CFAP99: variants seen among roughly 807,000 people sequenced by gnomAD.
CFAP99 encodes the protein cilia- and flagella-associated protein 99.
In CFAP99, 84 loss-of-function variants were observed where a neutral mutation model predicts 82.7. The observed-to-expected ratio is 1.02, with a 90% CI of 0.85 to 1.22. CFAP99 has a LOEUF of 1.22. Among genes scored for constraint, CFAP99 ranks in the 50% most tolerant of loss-of-function variants. The pLI is 0.00. For missense variants in CFAP99, 1,059 were observed against 983.5 expected (o/e 1.08, Z -1.03); for synonymous variants, 456 against 429.5 (o/e 1.06, Z -0.76).
rs1343332249 is a variant in CFAP99 at position 2,462,803 on chromosome 4, C to T, written c.2022C>T (p.Gly674=). ...CTGCCCGCGCCGACGCGTTCCCCGG[C>T]CTGCAGGCGCAGCTAGAGGCGCAGC... Residue 674 remains glycine (G), a synonymous_variant, in exon 15 of 15, where the codon GGC becomes GGT. Transcript: ENST00000635017. The surrounding 1 kb of genome is among the most constrained non-coding windows in gnomAD (Gnocchi z 4.1). The T allele has an allele frequency of 2.3e-6, 3 of 1,308,760 alleles. No homozygotes were observed. Among genetic ancestry groups the T allele is most frequent in the East Asian group, 6.5e-5 (2 of 30,744 alleles). 81.1% of individuals were successfully genotyped at this position (1,308,760 alleles called of 1,614,324 possible). A position where few individuals can be genotyped will look rare whatever the true frequency, so the allele number is the denominator to read the frequency against.
Position 2,446,612 on chromosome 4 carries a change from C to T in CFAP99, c.642+1304C>T, listed in dbSNP as rs1734172050. 6.6e-6 allele frequency among the ~76,000 whole-genome samples: 1 copy of T among 152,130 alleles called. No individual in the cohort carries two copies. The highest frequency in any genetic ancestry group is 2.1e-4 in the South Asian group (1 of 4,830). On this transcript the variant is annotated intron_variant, in intron 6 of 14. Transcript: ENST00000635017. The surrounding 1 kb of genome is among the most constrained non-coding windows in gnomAD (Gnocchi z 5.0). ...TTTGTCATGTTGGCCGGGCTGGTCCCTAACTGACCTCAGGTGATCTGCCCA... is the reference window on the plus strand; with the variant it reads ...TTTGTCATGTTGGCCGGGCTGGTCCTTAACTGACCTCAGGTGATCTGCCCA...
intron 10 of CFAP99, 76 bp from the exon 11 acceptor site, chr4:2,452,066 A>C (rs1734314549): frequency 1.4e-6 from 2 of 1,466,902 alleles, no homozygotes; most frequent in African/African-American, 1.4e-5. Flanking sequence ...ACTGTCCCTC[A>C]GGAAAACCTG....
rs533380526 is a variant in CFAP99 at position 2,439,975 on chromosome 4, C to T, written c.351+1811C>T. Among the ~76,000 whole-genome samples the T allele has an allele frequency of 4.0e-5, 6 of 151,752 alleles. No homozygotes were observed. In the East Asian group the frequency reaches 9.8e-4, roughly 25 times the overall value. On this transcript the variant is annotated intron_variant, in intron 4 of 14. Transcript: ENST00000635017. ...TCTCCTGCCTCAGCCTCCCAAGTAGCTGGGATTACGGCATGTGCCATCACG... is the reference window on the plus strand; with the variant it reads ...TCTCCTGCCTCAGCCTCCCAAGTAGTTGGGATTACGGCATGTGCCATCACG...
chr4:2,434,792 C>T (rs549873041), intron 2 of CFAP99, among the ~76,000 whole-genome samples: 1 of 152,366 alleles, frequency 6.6e-6, no homozygotes, highest in East Asian at 1.9e-4. Flanking sequence ...CACCCACATC[C>T]ACAGAGGCAG....
rs1292383251 is a variant in CFAP99 at position 2,451,021 on chromosome 4, G to T, written c.867+3G>T. On this transcript the variant is annotated splice_donor_region_variant and intron_variant, in intron 9 of 14. Coordinates refer to ENST00000635017, the Ensembl canonical transcript of CFAP99. ...CTCCGAAGCTGACCTTCTATAGGGTGAGGGGTGCTCCTGGATGGTCAGGCT... is the reference window on the plus strand; with the variant it reads ...CTCCGAAGCTGACCTTCTATAGGGTTAGGGGTGCTCCTGGATGGTCAGGCT... The T allele has an allele frequency of 1.3e-6, 2 of 1,535,646 alleles. No individual in the cohort carries two copies. Among genetic ancestry groups the T allele is most frequent in the Non-Finnish European group, 1.7e-6 (2 of 1,146,728 alleles).
rs1734650937 is a variant in CFAP99 at position 2,462,586 on chromosome 4, C to T, written c.1805C>T (p.Thr602Ile). The T allele has an allele frequency of 2.1e-6, 3 of 1,427,582 alleles. No individual in the cohort carries two copies. The South Asian group carries it at 4.2e-5, about 20-fold the overall frequency. The allele number at this position is 1,427,582 out of a possible 1,614,324, so 88.4% of individuals were successfully genotyped here. The change falls in exon 15 of 15, where the codon ACC (threonine) becomes ATC (isoleucine). Residue 602 changes from threonine to isoleucine, a missense_variant. Coordinates refer to ENST00000635017, the Ensembl canonical transcript of CFAP99. This position sits in a 1 kb window ranked among gnomAD's most constrained non-coding sequence, Gnocchi z 4.1. ...TTGCTGCACGTGTCGGCGCCGCGGA[C>T]CGCGCGCCCCAAGCCCCGGGTGAGT...
At chr4:2,452,218 C>T (rs1271847927) in exon 11 of CFAP99, 10 of 1,536,012 alleles carry the variant, frequency 6.5e-6, no homozygotes, top group South Asian at 1.2e-5. Flanking sequence ...GGCGAAGGAC[C>T]GGGAGGAGCA....
intron 11 of CFAP99, among the ~76,000 whole-genome samples, chr4:2,457,324 C>A (rs746769046): frequency 6.6e-6 from 1 of 152,220 alleles, no homozygotes; most frequent in Non-Finnish European, 1.5e-5. Flanking sequence ...ATTCTGGCCA[C>A]AGAAATGCTG....
In CFAP99 at chr4:2,446,816, AATGGATGG is replaced by A. The variant is rs35198255; in HGVS notation, c.642+1524_642+1531del. 3.3e-5 allele frequency among the ~76,000 whole-genome samples: 5 copies of A among 150,284 alleles called. No homozygotes were observed. The highest frequency in any genetic ancestry group is 4.2e-4 in the South Asian group (2 of 4,734). Reference sequence around the variant, plus strand: ...TGGATGGTAGATGGATGGGTGGATGAATGGATGGATGGATGGATGGATGATTGGATTGG... The same window carrying A: ...TGGATGGTAGATGGATGGGTGGATGAATGGATGGATGGATGATTGGATTGG... On this transcript the variant is annotated intron_variant, in intron 6 of 14. Coordinates refer to ENST00000635017, the Ensembl canonical transcript of CFAP99. The surrounding 1 kb of genome is among the most constrained non-coding windows in gnomAD (Gnocchi z 5.0).
exon 12 of CFAP99, chr4:2,458,763 G>T (rs989709577): frequency 2.0e-6 from 3 of 1,535,724 alleles, no homozygotes; most frequent in South Asian, 1.2e-5. Context: ...AGACGGCTCC[G>T]GGAGGACAGG....
chr4:2,459,990 G>C (rs1365418276), intron 13 of CFAP99, 47 bp from the exon 14 acceptor site: 2 of 1,514,040 alleles, frequency 1.3e-6, no homozygotes, highest in African/African-American at 2.8e-5. Context: ...GGAAGCATCG[G>C]GGCCCAGCAC....
rs911734863 is a variant in CFAP99 at position 2,453,042 on chromosome 4, G to A, written c.1161+696G>A. Among the ~76,000 whole-genome samples the A allele has an allele frequency of 1.1e-3, 163 of 152,156 alleles. 2 individuals carry two copies. The highest frequency in any genetic ancestry group is 3.2e-4 in the Non-Finnish European group (22 of 68,030). On this transcript the variant is annotated intron_variant, in intron 11 of 14. Coordinates refer to ENST00000635017, the Ensembl canonical transcript of CFAP99. ...CATGCCACTGCACTCCATCCTGGGC[G>A]ACAGAGCGTAACTGTCTCAAAAACA...
intron 2 of CFAP99, among the ~76,000 whole-genome samples, chr4:2,434,170 T>G (rs1278598103): frequency 6.6e-6 from 1 of 152,122 alleles, no homozygotes; most frequent in Non-Finnish European, 1.5e-5. Context: ...GATGCATTCA[T>G]GTGATGTCCG....
Position 2,441,558 on chromosome 4 carries a change from C to T in CFAP99, c.352-1572C>T, listed in dbSNP as rs114650506. On this transcript the variant is annotated intron_variant, in intron 4 of 14. Transcript: ENST00000635017. Reference sequence around the variant, plus strand: ...ATTTGGGGCGCTGGCCACACAGCACCGTTGGGGACAGGGTGGTGCCCCCAA... The same window carrying T: ...ATTTGGGGCGCTGGCCACACAGCACTGTTGGGGACAGGGTGGTGCCCCCAA... 8.0e-3 allele frequency among the ~76,000 whole-genome samples: 1,216 copies of T among 152,238 alleles called. 13 individuals carry two copies. The highest frequency in any genetic ancestry group is 0.027 in the African/African-American group (1,110 of 41,524).
At chr4:2,437,514 C>T (rs544807849) in intron 3 of CFAP99, among the ~76,000 whole-genome samples, 66 of 152,270 alleles carry the variant, frequency 4.3e-4, no homozygotes, top group Middle Eastern at 3.4e-3. Flanking sequence ...AGCCCTGAGA[C>T]CCTGCACAGG....
intron 2 of CFAP99, among the ~76,000 whole-genome samples, chr4:2,434,552 G>A (rs375168413): frequency 3.9e-5 from 6 of 152,214 alleles, no homozygotes; most frequent in African/African-American, 7.2e-5. Flanking sequence ...GCTTAAAGCC[G>A]TTGCAAGGGC....
intron 3 of CFAP99, 50 bp downstream of exon 3, chr4:2,437,068 A>C (rs1462853408): frequency 2.6e-6 from 4 of 1,531,828 alleles, no homozygotes; most frequent in Admixed American, 2.0e-5. Context: ...CGGTTCACTC[A>C]GGCTCTCTGC....
At chr4:2,460,354 A>G (rs1734592804) in intron 14 of CFAP99, 112 bp downstream of exon 14, 1 of 964,174 alleles carries the variant, frequency 1.0e-6, no homozygotes, top group Admixed American at 2.2e-5. Context: ...CCTCCTGCCC[A>G]GGAAGTTCCC....
At chr4:2,458,108 C>G (rs1734478753) in intron 11 of CFAP99, among the ~76,000 whole-genome samples, 1 of 152,200 alleles carries the variant, frequency 6.6e-6, no homozygotes, top group Non-Finnish European at 1.5e-5. Flanking sequence ...CCAGCCGTCT[C>G]CCTGTGCCAT....
Sources: gnomAD v4.1 joint callset for allele counts (sites outside exome capture counted in the v4.1 genomes callset) on GRCh38, gnomAD v4.1.1 for gene constraint, Gnocchi (gnomAD v3.1) non-coding constraint, MANE v1.5 for transcripts, NCBI Gene and HGNC (gene_info 2026-07-23, HGNC 2026-07-21) for gene names.